Variants in CDH13 observed in about 807,000 individuals in gnomAD.
CDH13 encodes the protein cadherin-13.
A neutral mutation model predicts 63.8 loss-of-function variants in CDH13; 24 were observed. The observed-to-expected ratio is 0.38, with a 90% CI of 0.27 to 0.53. The LOEUF (loss-of-function observed/expected upper bound fraction) is 0.53, where lower values mean the gene tolerates loss of function less well. Among genes scored for constraint, CDH13 ranks in the 20% least tolerant of loss-of-function variants. The pLI is 0.85. For synonymous variants in CDH13, 503 were observed against 355.3 expected, an observed-to-expected ratio of 1.42 and a Z score of -4.67; for missense variants, 1,049 against 903.1, an observed-to-expected ratio of 1.16 and a Z score of -2.07.
At chr16:83,233,836 C>G (rs1481908331) in intron 5 of CDH13, among the ~76,000 whole-genome samples, 3 of 152,150 alleles carry the variant, frequency 2.0e-5, no homozygotes, top group African/African-American at 7.2e-5. Context: ...GTCAAAGTTT[C>G]CAGACATTAG....
chr16:83,166,006 G>C (rs2037648126), intron 4 of CDH13, among the ~76,000 whole-genome samples: 1 of 152,064 alleles, frequency 6.6e-6, no homozygotes, highest in Non-Finnish European at 1.5e-5. Context: ...TTTAAAAGTA[G>C]AAAAAATGAA....
At chr16:83,147,670 G>A (rs998838727) in intron 4 of CDH13, among the ~76,000 whole-genome samples, 1 of 152,068 alleles carries the variant, frequency 6.6e-6, no homozygotes, top group Non-Finnish European at 1.5e-5. Flanking sequence ...TATGGGAAAG[G>A]GACAACTCAT....
At chr16:83,181,537 T>G (rs147917488) in intron 4 of CDH13, among the ~76,000 whole-genome samples, 2 of 152,332 alleles carry the variant, frequency 1.3e-5, no homozygotes, top group African/African-American at 4.8e-5. Context: ...TACCCTCAGT[T>G]ATGTCATCAT....
intron 1 of CDH13, among the ~76,000 whole-genome samples, chr16:82,852,241 G>GT (rs1443105621): frequency 2.0e-5 from 3 of 152,180 alleles, no homozygotes; most frequent in African/African-American, 7.2e-5. Flanking sequence ...GATGTCAGTG[G>GT]TATCAAAGAC....
At chr16:83,058,627 T>A (rs1200825994) in intron 3 of CDH13, among the ~76,000 whole-genome samples, 4 of 152,186 alleles carry the variant, frequency 2.6e-5, no homozygotes, top group Non-Finnish European at 4.4e-5. Flanking sequence ...AAGAAAACAT[T>A]AATGATGTTC....
At chr16:83,662,483 A>G (rs1913526862) in intron 8 of CDH13, among the ~76,000 whole-genome samples, 1 of 152,206 alleles carries the variant, frequency 6.6e-6, no homozygotes, top group East Asian at 1.9e-4. Context: ...TTAGACTGAA[A>G]TCTTTACAGA....
intron 3 of CDH13, among the ~76,000 whole-genome samples, chr16:83,057,702 T>A (rs1231585608): frequency 1.3e-5 from 2 of 152,180 alleles, no homozygotes; most frequent in Non-Finnish European, 2.9e-5. Flanking sequence ...CCCTTTGACC[T>A]GAGCTGTCTT....
chr16:83,400,223 G>C (rs2151441079), intron 6 of CDH13, among the ~76,000 whole-genome samples: 1 of 152,216 alleles, frequency 6.6e-6, no homozygotes, highest in African/African-American at 2.4e-5. Flanking sequence ...GACTTTTAAA[G>C]AAATCGATCC....
intron 10 of CDH13, among the ~76,000 whole-genome samples, chr16:83,727,070 T>G (rs78149001): frequency 0.033 from 5,086 of 152,208 alleles, 309 homozygotes; most frequent in East Asian, 0.22. Flanking sequence ...AATATACAAT[T>G]CAATGGTTTT....
chr16:83,512,656 A>C (rs2074599489), intron 7 of CDH13, among the ~76,000 whole-genome samples: 1 of 147,572 alleles, frequency 6.8e-6, no homozygotes, highest in Non-Finnish European at 1.5e-5. Flanking sequence ...CAACAGAGTG[A>C]GACTCCGTCT....
intron 1 of CDH13, among the ~76,000 whole-genome samples, chr16:82,746,216 T>TTATATATATGTGTTTATATATAAACACAC (rs1567492655): frequency 2.1e-5 from 2 of 95,732 alleles, no homozygotes; most frequent in Non-Finnish European, 5.1e-5. Flanking sequence ...AACACACTGT[T>TTATATATATGTGTTTATATATAAACACAC]TATATATATG....
At chr16:83,375,252 G>A (rs1385153668) in intron 6 of CDH13, among the ~76,000 whole-genome samples, 1 of 152,166 alleles carries the variant, frequency 6.6e-6, no homozygotes, top group Non-Finnish European at 1.5e-5. Context: ...AAATAATCAT[G>A]TTTCTTAATT....
chr16:82,717,445 A>C, intron 1 of CDH13, among the ~76,000 whole-genome samples: 1 of 146,424 alleles, frequency 6.8e-6, no homozygotes, highest in South Asian at 2.2e-4. Context: ...AAAAAAAAAA[A>C]AAAAAAAAAG....
chr16:83,634,169 G>A (rs935311707), intron 8 of CDH13, among the ~76,000 whole-genome samples: 5 of 145,226 alleles, frequency 3.4e-5, no homozygotes, highest in African/African-American at 5.1e-5. Context: ...GTGGTCCTAC[G>A]CATTTGATCA....
In CDH13 at chr16:83,692,326, G is replaced by T. The variant is rs1904988775; in HGVS notation, c.1538+13865G>T. Among the ~76,000 whole-genome samples the T allele has an allele frequency of 2.0e-5, 3 of 152,164 alleles. No individual in the cohort carries two copies. In the South Asian group the frequency reaches 6.2e-4, roughly 32 times the overall value. On this transcript the variant is annotated intron_variant, in intron 10 of 13. Coordinates refer to ENST00000567109, the MANE Select transcript of CDH13 (RefSeq NM_001257.5). ...GCCAGATCTCCATGGACTCAAGGTT[G>T]CTCCCTGGACTCAAGGTTGCAGGAG...
rs987508334 is a variant in CDH13 at position 83,150,630 on chromosome 16, C to T, written c.483+25129C>T. ...TCCAAGTCCTGTTCAGATATCTGTC[C>T]TTATAGAGCGTTTTTTATCTCACTT... On this transcript the variant is annotated intron_variant, in intron 4 of 13. Transcript: ENST00000567109. Among the ~76,000 whole-genome samples the T allele has an allele frequency of 2.0e-5, 3 of 152,154 alleles. No individual in the cohort carries two copies. The East Asian group carries it at 5.8e-4, about 29-fold the overall frequency.
Position 82,858,321 on chromosome 16 carries a change from A to T in CDH13, c.46-41A>T, listed in dbSNP as rs115815165. 1.0e-5 allele frequency: 14 copies of T among 1,369,414 alleles called. No homozygotes were observed. The South Asian group carries it at 1.5e-4, about 15-fold the overall frequency. 84.8% of individuals were successfully genotyped at this position (1,369,414 alleles called of 1,614,324 possible). A position where few individuals can be genotyped will look rare whatever the true frequency, so the allele number is the denominator to read the frequency against. ...TGGCGAAAGTTAGCAGGGCAAACACATAAGCCGCTATTAAAATATTGATGG... is the reference window on the plus strand; with the variant it reads ...TGGCGAAAGTTAGCAGGGCAAACACTTAAGCCGCTATTAAAATATTGATGG... On this transcript the variant is annotated intron_variant, in intron 1 of 13. Coordinates refer to ENST00000567109, the MANE Select transcript of CDH13 (RefSeq NM_001257.5).
At chr16:83,663,335 T>G (rs74660523) in intron 8 of CDH13, among the ~76,000 whole-genome samples, 2,294 of 152,288 alleles carry the variant, frequency 0.015, 66 homozygotes, top group African/African-American at 0.053. Context: ...GAGCTATATC[T>G]ACTCAAAACC....
chr16:82,983,773 T>A (rs1383569055), intron 2 of CDH13, among the ~76,000 whole-genome samples: 2 of 152,180 alleles, frequency 1.3e-5, no homozygotes, highest in Admixed American at 1.3e-4. Flanking sequence ...TGTGTCTCTC[T>A]GAATTAGTGT....
Sources: allele counts gnomAD v4.1 joint callset (sites outside exome capture counted in the v4.1 genomes callset), GRCh38; gene constraint gnomAD v4.1.1; transcripts MANE v1.5; gene names NCBI Gene and HGNC (gene_info 2026-07-23, HGNC 2026-07-21).